Variants in PHTF1 observed in about 807,000 individuals in gnomAD.
The protein encoded by PHTF1 is putative homeodomain transcription factor 1.
In PHTF1, 88 loss-of-function variants were observed where a neutral mutation model predicts 102.4. That is an observed-to-expected ratio of 0.86 (90% confidence interval 0.72 to 1.03). The LOEUF (loss-of-function observed/expected upper bound fraction) is 1.03. PHTF1 is among the 50% of genes least tolerant of loss of function. The probability of loss-of-function intolerance (pLI) is 0.00; values close to 1 mark genes in which losing one functional copy is unlikely to be tolerated. For synonymous variants in PHTF1, 289 were observed against 305.2 expected (o/e 0.95, Z 0.55); for missense variants, 814 against 909.5 (o/e 0.89, Z 1.35).
At chr1:113,747,138 C>T (rs539489288) in intron 3 of PHTF1, among the ~76,000 whole-genome samples, 70 of 152,304 alleles carry the variant, frequency 4.6e-4, no homozygotes, top group African/African-American at 1.3e-3. Flanking sequence ...TCACCAAACA[C>T]GCACGCCCTC....
At chr1:113,736,341 CAAAA>C (rs57050485) in intron 5 of PHTF1, among the ~76,000 whole-genome samples, 2 of 60,696 alleles carry the variant, frequency 3.3e-5, no homozygotes, top group Non-Finnish European at 6.8e-5. Context: ...GACTCCATCT[CAAAA>C]AAAAAAAAAA....
At chr1:113,719,247 C>T (rs559242321) in intron 7 of PHTF1, among the ~76,000 whole-genome samples, 1 of 152,280 alleles carries the variant, frequency 6.6e-6, no homozygotes, top group South Asian at 2.1e-4. Flanking sequence ...AGGTGATCCA[C>T]CCACCTCAGC....
chr1:113,752,502 G>T (rs557396623), intron 3 of PHTF1, among the ~76,000 whole-genome samples: 1 of 127,776 alleles, frequency 7.8e-6, no homozygotes, highest in Admixed American at 8.8e-5. Context: ...CCGGGTTCAC[G>T]CCATTCTCCT....
intron 15 of PHTF1, among the ~76,000 whole-genome samples, chr1:113,702,936 G>C (rs1378442922): frequency 1.3e-5 from 2 of 152,162 alleles, no homozygotes; most frequent in African/African-American, 4.8e-5. Flanking sequence ...ATGTAATTCT[G>C]AATTGGATCC....
chr1:113,726,130 T>G (rs1653796173), intron 6 of PHTF1, among the ~76,000 whole-genome samples: 1 of 152,174 alleles, frequency 6.6e-6, no homozygotes, highest in Non-Finnish European at 1.5e-5. Flanking sequence ...AAGAGAATGT[T>G]TTCTTTGAAG....
chr1:113,711,964 TATTG>T lies in PHTF1; in HGVS notation c.929_932del (p.Ser310TyrfsTer6). Reference sequence around the variant, plus strand: ...CCTGAGAGTTTAGGTGCCTTGAAAGTATTGATTTTCTATTCTTAACTTCACAACC... The same window carrying T: ...CCTGAGAGTTTAGGTGCCTTGAAAGTATTTTCTATTCTTAACTTCACAACC... On this transcript the variant is annotated frameshift_variant, in exon 9 of 19. Coordinates refer to ENST00000369604, the MANE Select transcript of PHTF1 (RefSeq NM_001323043.2). LOFTEE classifies it high-confidence loss of function. The T allele has an allele frequency of 6.2e-7, 1 of 1,614,030 alleles. No homozygotes were observed. The highest frequency in any genetic ancestry group is 2.2e-5 in the East Asian group (1 of 44,878).
rs368445019 is a variant in PHTF1, at chr1:113,745,024, A to AGGCAG, written c.103-6230_103-6226dup. On this transcript the variant is annotated intron_variant, in intron 3 of 18. Transcript: ENST00000369604. ...AGGGAGGGCAGGGCAGGAGAGGGCA[A>AGGCAG]GGCAGGGCAGGGCAGGGCAGGGCAG... Among the ~76,000 whole-genome samples, 801 of 149,080 alleles carry AGGCAG rather than the reference A, an allele frequency of 5.4e-3. 11 individuals carry two copies. The highest frequency in any genetic ancestry group is 0.018 in the African/African-American group (722 of 40,398).
At chr1:113,700,208 T>C (rs1649288855) in intron 16 of PHTF1, 1 of 934,518 alleles carries the variant, frequency 1.1e-6, no homozygotes, top group Admixed American at 6.2e-5. Flanking sequence ...TAATTCCTTA[T>C]ATTTTGCCTT....
intron 10 of PHTF1, among the ~76,000 whole-genome samples, chr1:113,711,052 T>C (rs1034063173): frequency 5.3e-5 from 8 of 152,220 alleles, no homozygotes; most frequent in African/African-American, 1.9e-4. Context: ...TAAGGTGTTC[T>C]GGGAGGGGAG....
At position 113,739,319 on chromosome 1, in the gene PHTF1, T is replaced by G. The variant is rs77813000; in HGVS notation, c.103-520A>C. Among the ~76,000 whole-genome samples the G allele has an allele frequency of 3.1e-3, 472 of 152,348 alleles. 5 individuals carry two copies. The highest frequency in any genetic ancestry group is 0.025 in the Admixed American group (381 of 15,298). On this transcript the variant is annotated intron_variant, in intron 3 of 18. Coordinates refer to ENST00000369604, the MANE Select transcript of PHTF1 (RefSeq NM_001323043.2). Reference sequence around the variant, plus strand: ...TCTCCACTAATGCATCAATATACTTTATCACTTTTTAAAATATTCGAACAG... The same window carrying G: ...TCTCCACTAATGCATCAATATACTTGATCACTTTTTAAAATATTCGAACAG...
intron 11 of PHTF1, 30 bp from the exon 12 acceptor site, chr1:113,706,752 T>C: frequency 6.4e-7 from 1 of 1,558,092 alleles, no homozygotes. Context: ...ATTGTTTCTA[T>C]CCATGCCCTC....
intron 7 of PHTF1, among the ~76,000 whole-genome samples, chr1:113,721,885 AG>A (rs1653005431): frequency 1.3e-5 from 2 of 151,314 alleles, no homozygotes; most frequent in African/African-American, 4.9e-5. Context: ...TAGTAGAGAC[AG>A]GGTTTCACCA....
At chr1:113,729,687 T>C (rs1239453045) in intron 5 of PHTF1, among the ~76,000 whole-genome samples, 1 of 152,178 alleles carries the variant, frequency 6.6e-6, no homozygotes, top group Non-Finnish European at 1.5e-5. Flanking sequence ...CCTGATAGTT[T>C]ATGCTAACAA....
At chr1:113,706,440 C>CAT (rs1421146138) in intron 12 of PHTF1, among the ~76,000 whole-genome samples, 154 bp downstream of exon 12, 1 of 151,792 alleles carries the variant, frequency 6.6e-6, no homozygotes. Flanking sequence ...TACAAAATTA[C>CAT]ATATATATGT....
rs762352625 is a variant in PHTF1, at chr1:113,759,100, C to T, written c.-108G>A. 167 of 990,114 alleles carry T rather than the reference C, an allele frequency of 1.7e-4. No individual in the cohort carries two copies. Among genetic ancestry groups the T allele is most frequent in the Non-Finnish European group, 1.9e-4 (157 of 833,314 alleles). 61.3% of individuals were successfully genotyped at this position (990,114 alleles called of 1,614,324 possible). ...CGGGGTCCCACCGTGAGGCCGGGGG[C>T]GAGGCGGCGGGCCAGGCAGGCCGCA... On this transcript the variant is annotated 5_prime_UTR_variant, in exon 1 of 19. Coordinates refer to ENST00000369604, the MANE Select transcript of PHTF1 (RefSeq NM_001323043.2).
At chr1:113,749,570 GC>G (rs1382634252) in intron 3 of PHTF1, 1 of 152,246 alleles carries the variant, frequency 6.6e-6, no homozygotes, top group Non-Finnish European at 1.5e-5. Flanking sequence ...TCTCCAGAGA[GC>G]AAGCTTCAAC....
At chr1:113,706,862 T>C in intron 11 of PHTF1, 140 bp from the exon 12 acceptor site, 2 of 595,122 alleles carry the variant, frequency 3.4e-6, no homozygotes, top group Non-Finnish European at 5.6e-6. Context: ...TTTTTTTTTT[T>C]TTTTTTTTTT....
At chr1:113,713,704 C>CG in intron 7 of PHTF1, 1 of 349,084 alleles carries the variant, frequency 2.9e-6, no homozygotes, top group South Asian at 3.1e-5. Context: ...AAAGTAGGTT[C>CG]ACAGTCCTCT....
chr1:113,742,897 G>A (rs147539590), intron 3 of PHTF1, among the ~76,000 whole-genome samples: 2 of 152,248 alleles, frequency 1.3e-5, no homozygotes, highest in African/African-American at 4.8e-5. Flanking sequence ...GCAATGGCAC[G>A]ATCACAGCTC....
Sources: allele counts gnomAD v4.1 joint callset (sites outside exome capture counted in the v4.1 genomes callset), GRCh38; gene constraint gnomAD v4.1.1; transcripts MANE v1.5; gene names NCBI Gene and HGNC (gene_info 2026-07-23, HGNC 2026-07-21).